CDC14A: variants seen among roughly 807,000 people sequenced by gnomAD.
CDC14A encodes the protein dual specificity protein phosphatase CDC14A.
CDC14A carries 53 observed loss-of-function variants against 74.4 expected under a neutral mutation model. That is an observed-to-expected ratio of 0.71 (90% CI 0.57 to 0.89). The LOEUF is 0.89. Among genes scored for constraint, CDC14A ranks in the 40% least tolerant of loss-of-function variants. The probability of loss-of-function intolerance (pLI) is 0.00; values close to 1 mark genes in which losing one functional copy is unlikely to be tolerated. For missense variants in CDC14A, 646 were observed against 713.7 expected, an observed-to-expected ratio of 0.91 and a Z score of 1.08; for synonymous variants, 247 against 258.4, an observed-to-expected ratio of 0.96 and a Z score of 0.43.
chr1:100,490,898 G>A (rs929224595), intron 11 of CDC14A, among the ~76,000 whole-genome samples: 2 of 152,130 alleles, frequency 1.3e-5, no homozygotes, highest in African/African-American at 4.8e-5. Context: ...ATTGACAAAC[G>A]TTTAGGGAAT....
chr1:100,379,312 C>T (rs1023347391), intron 3 of CDC14A, among the ~76,000 whole-genome samples: 3 of 152,102 alleles, frequency 2.0e-5, no homozygotes, highest in South Asian at 2.1e-4. Flanking sequence ...TGCTGTGTTT[C>T]GACATTATTA....
chr1:100,385,512 AT>A (rs1347965869), intron 3 of CDC14A, among the ~76,000 whole-genome samples: 2 of 152,228 alleles, frequency 1.3e-5, no homozygotes, highest in Non-Finnish European at 2.9e-5. Context: ...CTATTGACCA[AT>A]TCAACCTGAG....
At chr1:100,367,734 G>A (rs905558128) in intron 2 of CDC14A, among the ~76,000 whole-genome samples, 2 of 152,110 alleles carry the variant, frequency 1.3e-5, no homozygotes, top group Admixed American at 6.5e-5. Flanking sequence ...AAGCTCATCC[G>A]TCTTTTTGTG....
At chr1:100,385,751 G>A (rs891242419) in intron 3 of CDC14A, among the ~76,000 whole-genome samples, 1 of 152,256 alleles carries the variant, frequency 6.6e-6, no homozygotes, top group African/African-American at 2.4e-5. Context: ...GAGACGTTAT[G>A]TGTCTGATTA....
intron 2 of CDC14A, among the ~76,000 whole-genome samples, chr1:100,355,897 A>T (rs1308583662): frequency 2.6e-5 from 4 of 152,230 alleles, no homozygotes; most frequent in African/African-American, 9.6e-5. Flanking sequence ...CTATGCTAGG[A>T]GAGGCATTCA....
chr1:100,514,872 T>G (rs904072106), intron 15 of CDC14A, among the ~76,000 whole-genome samples: 4 of 152,212 alleles, frequency 2.6e-5, no homozygotes, highest in African/African-American at 7.2e-5. Context: ...TCAATAGCAA[T>G]AATATTGTTC....
chr1:100,404,004 T>G (rs1160462561), intron 4 of CDC14A, among the ~76,000 whole-genome samples: 1 of 152,230 alleles, frequency 6.6e-6, no homozygotes, highest in African/African-American at 2.4e-5. Flanking sequence ...TTTCAAGAAA[T>G]GTTTTCTATT....
At chr1:100,504,105 A>C (rs983344597) in intron 15 of CDC14A, among the ~76,000 whole-genome samples, 2 of 152,350 alleles carry the variant, frequency 1.3e-5, no homozygotes, top group South Asian at 2.1e-4. Context: ...TGTGCATGGC[A>C]TATATTAGGC....
chr1:100,396,642 T>C (rs1237039826), intron 4 of CDC14A, among the ~76,000 whole-genome samples: 2 of 152,194 alleles, frequency 1.3e-5, no homozygotes, highest in Admixed American at 6.5e-5. Context: ...TACCTAGCCT[T>C]TTTTTAAAAA....
intron 2 of CDC14A, among the ~76,000 whole-genome samples, chr1:100,359,115 A>G (rs972031178): frequency 3.9e-5 from 6 of 152,204 alleles, no homozygotes; most frequent in African/African-American, 9.7e-5. Context: ...CCTCGAGACA[A>G]ATTTCATTGT....
intron 5 of CDC14A, among the ~76,000 whole-genome samples, chr1:100,437,708 G>A (rs1664499867): frequency 1.3e-5 from 2 of 152,158 alleles, no homozygotes; most frequent in African/African-American, 4.8e-5. Flanking sequence ...CTGTGATGGG[G>A]TAGGAGGTAT....
At chr1:100,511,786 G>A (rs528574830) in intron 15 of CDC14A, among the ~76,000 whole-genome samples, 39 of 152,156 alleles carry the variant, frequency 2.6e-4, no homozygotes, top group African/African-American at 9.2e-4. Context: ...ATGAACTATC[G>A]CATAGCCCTT....
intron 5 of CDC14A, among the ~76,000 whole-genome samples, chr1:100,434,384 C>A (rs770502472): frequency 6.6e-6 from 1 of 152,110 alleles, no homozygotes; most frequent in Non-Finnish European, 1.5e-5. Flanking sequence ...GGCCAGATAC[C>A]CCCAGGCCTT....
chr1:100,392,248 T>C (rs529953219), intron 4 of CDC14A, among the ~76,000 whole-genome samples: 115 of 152,328 alleles, frequency 7.5e-4, no homozygotes, highest in Non-Finnish European at 1.2e-3. Flanking sequence ...TTACCTTACA[T>C]TGATAATGAC....
At chr1:100,369,649 C>T (rs185160037) in intron 2 of CDC14A, among the ~76,000 whole-genome samples, 4 of 152,052 alleles carry the variant, frequency 2.6e-5, no homozygotes, top group East Asian at 1.9e-4. Context: ...ACATAGTTTG[C>T]GAATATTTTT....
chr1:100,398,544 T>G (rs1342377806), intron 4 of CDC14A, among the ~76,000 whole-genome samples: 2 of 152,176 alleles, frequency 1.3e-5, no homozygotes, highest in African/African-American at 4.8e-5. Flanking sequence ...AGATCTGTAG[T>G]CAGGTATTCA....
At chr1:100,444,187 G>A (rs1404223640) in intron 7 of CDC14A, among the ~76,000 whole-genome samples, 1 of 152,190 alleles carries the variant, frequency 6.6e-6, no homozygotes, top group African/African-American at 2.4e-5. Flanking sequence ...AACCTAGTGA[G>A]TATTCGGATC....
At chr1:100,422,561 G>T (rs191432273) in intron 4 of CDC14A, among the ~76,000 whole-genome samples, 3 of 152,332 alleles carry the variant, frequency 2.0e-5, no homozygotes, top group African/African-American at 7.2e-5. Context: ...TTTAGAGCTA[G>T]TGTTGGTTTA....
In CDC14A at chr1:100,485,636, G is replaced by T. The variant is rs368398844; in HGVS notation, c.1137+1185G>T. The stretch of plus-strand genomic sequence containing the variant: ...GTGTAGATTTACATTCTATTAGACA[G>T]TGACCCATTAGACCCGGACAAGGGC... On this transcript the variant is annotated intron_variant, in intron 11 of 15. Transcript: ENST00000336454. 1.8e-3 allele frequency among the ~76,000 whole-genome samples: 275 copies of T among 151,872 alleles called. 2 individuals are homozygous for T. The highest frequency in any genetic ancestry group is 6.3e-3 in the African/African-American group (262 of 41,374).
Sources: allele counts gnomAD v4.1 joint callset (sites outside exome capture counted in the v4.1 genomes callset), GRCh38; gene constraint gnomAD v4.1.1; transcripts MANE v1.5; gene names NCBI Gene and HGNC (gene_info 2026-07-23, HGNC 2026-07-21).